The following CATSPERE variants were observed in gnomAD, a reference collection of about 807,000 sequenced individuals.
CATSPERE encodes the protein cation channel sperm-associated auxiliary subunit epsilon.
CATSPERE carries 93 observed loss-of-function variants against 114.1 expected under a neutral mutation model. The ratio of observed to expected loss-of-function variants is 0.81; its 90% CI spans 0.69 to 0.97. The LOEUF (loss-of-function observed/expected upper bound fraction) is 0.97. Ranked by LOEUF, CATSPERE falls within the 50% of genes least tolerant of loss-of-function variation. The probability of loss-of-function intolerance (pLI) is 0.00; values close to 1 mark genes in which losing one functional copy is unlikely to be tolerated. For synonymous variants in CATSPERE, 341 were observed against 384.1 expected (o/e 0.89, Z 1.31); for missense variants, 1,058 against 1,131.6 (o/e 0.93, Z 0.93).
intron 10 of CATSPERE, among the ~76,000 whole-genome samples, chr1:244,571,692 T>C (rs775918856): frequency 6.6e-6 from 1 of 152,146 alleles, no homozygotes; most frequent in Non-Finnish European, 1.5e-5. Flanking sequence ...GAAATTTAGA[T>C]TTTCTCATAT....
upstream of CATSPERE, chr1:244,457,718 C>T (rs1232060211): frequency 6.6e-6 from 1 of 152,028 alleles, no homozygotes; most frequent in African/African-American, 2.4e-5. Context: ...ACAGACTTTC[C>T]AAAATCAAAT....
intron 2 of CATSPERE, among the ~76,000 whole-genome samples, chr1:244,469,601 AGAC>A (rs1668143119): frequency 6.6e-6 from 1 of 152,246 alleles, no homozygotes; most frequent in Non-Finnish European, 1.5e-5. Flanking sequence ...TTCTATTTGC[AGAC>A]GACATGATCC....
At chr1:244,524,859 G>A (rs905994481) in intron 8 of CATSPERE, among the ~76,000 whole-genome samples, 2 of 146,460 alleles carry the variant, frequency 1.4e-5, no homozygotes, top group African/African-American at 5.4e-5. Flanking sequence ...GAGAGGATGT[G>A]GAGAAATAGG....
At chr1:244,556,166 C>T (rs1197625991) in intron 9 of CATSPERE, among the ~76,000 whole-genome samples, 1 of 152,102 alleles carries the variant, frequency 6.6e-6, no homozygotes, top group Non-Finnish European at 1.5e-5. Flanking sequence ...CCATTACACT[C>T]TAGCTTGGGT....
chr1:244,462,036 C>T (rs1218390723), intron 1 of CATSPERE, among the ~76,000 whole-genome samples: 3 of 152,250 alleles, frequency 2.0e-5, no homozygotes, highest in Admixed American at 6.5e-5. Context: ...AGGCTGGTCT[C>T]GAACTCCTGG....
At position 244,621,126 on chromosome 1, in the gene CATSPERE, T is replaced by TTATA. The variant is rs1324170569; in HGVS notation, c.2648+3440_2648+3441insTATA. The stretch of plus-strand genomic sequence containing the variant: ...TATAAATATATATATAATATATATA[T>TTATA]AAATATATATAAAATATATATATTA... On this transcript the variant is annotated intron_variant, in intron 20 of 21. Transcript: ENST00000366534. 4.1e-4 allele frequency among the ~76,000 whole-genome samples: 40 copies of TTATA among 96,642 alleles called. 1 individual carries two copies. The highest frequency in any genetic ancestry group is 1.2e-3 in the African/African-American group (28 of 23,420). The allele number at this position is 96,642 out of a possible 152,430, so 63.4% of individuals were successfully genotyped here.
chr1:244,609,244 C>T (rs1473911080), intron 18 of CATSPERE, among the ~76,000 whole-genome samples: 1 of 152,044 alleles, frequency 6.6e-6, no homozygotes, highest in Non-Finnish European at 1.5e-5. Flanking sequence ...AAACATCCTT[C>T]ACCTAATGAA....
At chr1:244,451,987 G>A, upstream of CATSPERE, 1 of 626,334 alleles carries the variant, frequency 1.6e-6, no homozygotes, top group Non-Finnish European at 2.5e-6. The surrounding 1 kb of genome is among the most constrained non-coding windows in gnomAD (Gnocchi z 6.6). Flanking sequence ...CCCGCTCTCC[G>A]CCACAGCCCG....
intron 6 of CATSPERE, among the ~76,000 whole-genome samples, chr1:244,491,454 G>C (rs1672145122): frequency 3.3e-5 from 5 of 151,860 alleles, no homozygotes; most frequent in Admixed American, 2.6e-4. Flanking sequence ...AGTGTGTAGA[G>C]GGAAATTTAT....
chr1:244,526,886 C>T (rs558608929), intron 8 of CATSPERE, among the ~76,000 whole-genome samples: 63 of 152,176 alleles, frequency 4.1e-4, no homozygotes, highest in African/African-American at 1.4e-3. Flanking sequence ...CACATGTCAG[C>T]AGGTTCCGTG....
chr1:244,584,591 T>A (rs1666751219), intron 13 of CATSPERE, among the ~76,000 whole-genome samples: 1 of 151,942 alleles, frequency 6.6e-6, no homozygotes, highest in African/African-American at 2.4e-5. Context: ...TAACCCCGCC[T>A]CCTTTGAGTC....
At position 244,564,184 on chromosome 1, in the gene CATSPERE, G is replaced by A. The variant is rs528815421; in HGVS notation, c.1507+3039G>A. 7.9e-4 allele frequency among the ~76,000 whole-genome samples: 120 copies of A among 152,258 alleles called. 2 individuals carry two copies. Among genetic ancestry groups the A allele is most frequent in the Admixed American group, 3.3e-3 (50 of 15,298 alleles). ...GTAGTATAGTTTCAAGTCAGGTAGC[G>A]TGATACCTCTAGCTTTGTTCTTTTT... On this transcript the variant is annotated intron_variant, in intron 10 of 21. Coordinates refer to ENST00000366534, the MANE Select transcript of CATSPERE (RefSeq NM_001130957.2).
chr1:244,493,417 A>T (rs1321648722), intron 6 of CATSPERE, among the ~76,000 whole-genome samples: 3 of 152,224 alleles, frequency 2.0e-5, no homozygotes, highest in Non-Finnish European at 2.9e-5. Context: ...CTGAAACTGG[A>T]TCCCTTCCTT....
intron 5 of CATSPERE, among the ~76,000 whole-genome samples, chr1:244,483,733 A>G (rs1670602228): frequency 1.3e-5 from 2 of 152,126 alleles, no homozygotes; most frequent in Non-Finnish European, 2.9e-5. Context: ...TTATATATGT[A>G]TTGAAAGTAT....
chr1:244,627,963 G>A (rs1360940132), intron 20 of CATSPERE, among the ~76,000 whole-genome samples: 6 of 152,166 alleles, frequency 3.9e-5, no homozygotes, highest in African/African-American at 1.4e-4. Context: ...GTGTATCAGT[G>A]CTATGTGCAT....
At chr1:244,476,223 T>G (rs1669320230) in intron 2 of CATSPERE, among the ~76,000 whole-genome samples, 1 of 152,126 alleles carries the variant, frequency 6.6e-6, no homozygotes, top group Non-Finnish European at 1.5e-5. Context: ...GAGGACTGCT[T>G]GAGGCCATGA....
chr1:244,499,325 T>C (rs1673632028), intron 7 of CATSPERE, among the ~76,000 whole-genome samples: 1 of 152,190 alleles, frequency 6.6e-6, no homozygotes, highest in South Asian at 2.1e-4. Context: ...TTCTTTTTAT[T>C]TATTTATTTT....
Position 244,472,811 on chromosome 1 carries a change from A to G in CATSPERE, c.115-4730A>G, listed in dbSNP as rs552078443. On this transcript the variant is annotated intron_variant, in intron 2 of 21. Coordinates refer to ENST00000366534, the MANE Select transcript of CATSPERE (RefSeq NM_001130957.2). ...CTCCCCCTCCCCAGCCCCTTACAACACTGATCTTTTAACTGTCTCCATAGT... is the reference window on the plus strand; with the variant it reads ...CTCCCCCTCCCCAGCCCCTTACAACGCTGATCTTTTAACTGTCTCCATAGT... Among the ~76,000 whole-genome samples, 11 of 151,980 alleles carry G rather than the reference A, an allele frequency of 7.2e-5. No individual in the cohort carries two copies. The South Asian group carries it at 2.1e-3, about 29-fold the overall frequency.
At chr1:244,533,999 C>T (rs1047490163) in intron 8 of CATSPERE, among the ~76,000 whole-genome samples, 3 of 152,100 alleles carry the variant, frequency 2.0e-5, no homozygotes, top group Non-Finnish European at 4.4e-5. Flanking sequence ...TTTATTTCTC[C>T]TTCATGTTTG....
Sources: gnomAD v4.1 joint callset for allele counts (sites outside exome capture counted in the v4.1 genomes callset) on GRCh38, gnomAD v4.1.1 for gene constraint, Gnocchi (gnomAD v3.1) non-coding constraint, MANE v1.5 for transcripts, NCBI Gene and HGNC (gene_info 2026-07-23, HGNC 2026-07-21) for gene names.